The following CPO variants were observed in gnomAD, a reference collection of about 807,000 sequenced individuals.
The protein encoded by CPO is carboxypeptidase O.
A neutral mutation model predicts 41.2 loss-of-function variants in CPO; 43 were observed. The observed-to-expected ratio is 1.04, with a 90% CI of 0.82 to 1.35. The LOEUF is 1.35. Among genes scored for constraint, CPO ranks in the 40% most tolerant of loss-of-function variants. The probability of loss-of-function intolerance (pLI) is 0.00; values close to 1 mark genes in which losing one functional copy is unlikely to be tolerated. For synonymous variants in CPO, 178 were observed against 162.7 expected (o/e 1.09, Z -0.72); for missense variants, 408 against 451.7 (o/e 0.90, Z 0.88).
chr2:206,953,299 C>T (rs1278496579), intron 2 of CPO, among the ~76,000 whole-genome samples: 15 of 152,148 alleles, frequency 9.9e-5, no homozygotes, highest in Admixed American at 9.8e-4. Flanking sequence ...AAATCAAAAG[C>T]AAGTTAGTTA....
At chr2:206,966,033 C>A (rs1329251140) in intron 7 of CPO, among the ~76,000 whole-genome samples, 1 of 152,092 alleles carries the variant, frequency 6.6e-6, no homozygotes, top group African/African-American at 2.4e-5. Flanking sequence ...CTATCTCTTA[C>A]TCCTCTCTGC....
chr2:206,964,457 C>T (rs1693535896), intron 7 of CPO, among the ~76,000 whole-genome samples: 1 of 152,098 alleles, frequency 6.6e-6, no homozygotes, highest in African/African-American at 2.4e-5. Context: ...TCTGAGTTAA[C>T]TTTATCATCA....
At chr2:206,939,736 T>C (rs1574342941) in intron 1 of CPO, 69 bp downstream of exon 1, 5 of 1,367,938 alleles carry the variant, frequency 3.7e-6, no homozygotes, top group Middle Eastern at 3.9e-4. Flanking sequence ...GGTTTCTTTT[T>C]AAGACCAATG....
chr2:206,947,977 A>T (rs1359982491), intron 1 of CPO, among the ~76,000 whole-genome samples: 4 of 152,252 alleles, frequency 2.6e-5, no homozygotes, highest in Non-Finnish European at 5.9e-5. Context: ...GTTGCTGATG[A>T]GAATTCAAAA....
chr2:206,943,721 GGATAGAT>G (rs1350085325), intron 1 of CPO, among the ~76,000 whole-genome samples: 6 of 121,328 alleles, frequency 4.9e-5, no homozygotes, highest in Non-Finnish European at 1.1e-4. Flanking sequence ...GATAGATGAT[GGATAGAT>G]GATAGATAGA....
chr2:206,967,698 G>C (rs1218406866), intron 7 of CPO, among the ~76,000 whole-genome samples: 4 of 152,170 alleles, frequency 2.6e-5, no homozygotes, highest in African/African-American at 9.7e-5. Context: ...ACAAAATATG[G>C]TGTTGGGAAG....
chr2:206,968,667 G>A (rs2105831325), intron 8 of CPO, among the ~76,000 whole-genome samples: 1 of 152,296 alleles, frequency 6.6e-6, no homozygotes, highest in South Asian at 2.1e-4. Context: ...CCTTTGGTCA[G>A]TCAATTCAGT....
At chr2:206,965,393 A>C (rs377188152) in intron 7 of CPO, among the ~76,000 whole-genome samples, 1 of 152,192 alleles carries the variant, frequency 6.6e-6, no homozygotes, top group African/African-American at 2.4e-5. Flanking sequence ...TTTACAAGCC[A>C]CAGAGACTAG....
intron 1 of CPO, among the ~76,000 whole-genome samples, chr2:206,947,943 G>A (rs1212333577): frequency 6.6e-6 from 1 of 152,214 alleles, no homozygotes; most frequent in Non-Finnish European, 1.5e-5. Context: ...TGACAAGGAT[G>A]TGGAGCAACA....
intron 7 of CPO, among the ~76,000 whole-genome samples, chr2:206,967,202 G>T (rs1403108306): frequency 6.6e-6 from 1 of 152,044 alleles, no homozygotes; most frequent in Non-Finnish European, 1.5e-5. Context: ...TAGGCGACAT[G>T]CAACAGAAGG....
chr2:206,944,000 T>G (rs1044159748), intron 1 of CPO, among the ~76,000 whole-genome samples: 2 of 152,112 alleles, frequency 1.3e-5, no homozygotes, highest in Admixed American at 1.3e-4. Context: ...TGACAAAGTT[T>G]TTTTGCTTTT....
intron 2 of CPO, among the ~76,000 whole-genome samples, chr2:206,950,042 G>A (rs988596923): frequency 1.3e-5 from 2 of 152,144 alleles, no homozygotes; most frequent in Non-Finnish European, 2.9e-5. Context: ...AGTTTAAGCT[G>A]GGCAGCATTG....
At chr2:206,951,539 A>T (rs964312528) in intron 2 of CPO, among the ~76,000 whole-genome samples, 20 of 152,214 alleles carry the variant, frequency 1.3e-4, no homozygotes, top group Non-Finnish European at 7.3e-5. Context: ...TATTTTCCAG[A>T]CTTTTTTTCA....
At chr2:206,954,797 G>T (rs1439635339) in intron 2 of CPO, among the ~76,000 whole-genome samples, 1 of 152,172 alleles carries the variant, frequency 6.6e-6, no homozygotes, top group African/African-American at 2.4e-5. Context: ...TTACAATCAT[G>T]GTGGAAGGGG....
At chr2:206,939,778 A>G in intron 1 of CPO, 111 bp downstream of exon 1, 1 of 721,424 alleles carries the variant, frequency 1.4e-6, no homozygotes, top group Non-Finnish European at 2.4e-6. Context: ...CTACTCATAT[A>G]TACCACCATG....
intron 1 of CPO, 62 bp from the exon 2 acceptor site, chr2:206,949,555 G>A (rs777117305): frequency 3.2e-5 from 40 of 1,240,130 alleles, no homozygotes; most frequent in Middle Eastern, 1.9e-4. Flanking sequence ...TCAACAACCC[G>A]CCAACCCTCA....
chr2:206,963,002 T>C (rs1366413221), intron 7 of CPO, among the ~76,000 whole-genome samples: 3 of 152,256 alleles, frequency 2.0e-5, no homozygotes, highest in Non-Finnish European at 1.5e-5. Flanking sequence ...GTTAGTGGAA[T>C]ATGGCATATC....
chr2:206,949,514 A>C, intron 1 of CPO, 103 bp from the exon 2 acceptor site: 1 of 767,510 alleles, frequency 1.3e-6, no homozygotes, highest in Non-Finnish European at 2.3e-6. Flanking sequence ...TTGTCCTCCA[A>C]GTCCTGTGCA....
intron 1 of CPO, among the ~76,000 whole-genome samples, chr2:206,941,335 T>C (rs1280834781): frequency 2.0e-5 from 3 of 151,992 alleles, no homozygotes; most frequent in Admixed American, 2.0e-4. Context: ...CATAGGAAAA[T>C]GTATGTTTTA....
Sources: allele counts gnomAD v4.1 joint callset (sites outside exome capture counted in the v4.1 genomes callset), GRCh38; gene constraint gnomAD v4.1.1; transcripts MANE v1.5; gene names NCBI Gene and HGNC (gene_info 2026-07-23, HGNC 2026-07-21).